KHDRBS2: variants seen among roughly 807,000 people sequenced by gnomAD.
KHDRBS2 encodes the protein KH domain-containing, RNA-binding, signal transduction-associated protein 2.
KHDRBS2 carries 26 observed loss-of-function variants against 44.3 expected under a neutral mutation model. That is an observed-to-expected ratio of 0.59 (90% CI 0.43 to 0.81). The LOEUF (loss-of-function observed/expected upper bound fraction) is 0.81. Among genes scored for constraint, KHDRBS2 ranks in the 40% least tolerant of loss-of-function variants. The pLI is 0.00. For missense variants in KHDRBS2, 476 were observed against 433.1 expected, an observed-to-expected ratio of 1.10 and a Z score of -0.88; for synonymous variants, 194 against 151.1, an observed-to-expected ratio of 1.28 and a Z score of -2.08.
chr6:61,786,080 T>C (rs772049658), intron 6 of KHDRBS2, among the ~76,000 whole-genome samples: 1 of 152,002 alleles, frequency 6.6e-6, no homozygotes, highest in Non-Finnish European at 1.5e-5. Flanking sequence ...TGATACCTCA[T>C]GTAATCAGTA....
At chr6:62,221,623 C>T (rs181982825) in intron 1 of KHDRBS2, among the ~76,000 whole-genome samples, 6 of 152,064 alleles carry the variant, frequency 3.9e-5, no homozygotes, top group East Asian at 1.9e-4. Context: ...AATAAACAAT[C>T]GCATTGGCTC....
At chr6:61,944,620 T>C (rs1329764933) in intron 4 of KHDRBS2, among the ~76,000 whole-genome samples, 1 of 152,074 alleles carries the variant, frequency 6.6e-6, no homozygotes, top group African/African-American at 2.4e-5. Flanking sequence ...AGCAACAATA[T>C]ATTAACATAT....
rs375403281 is a variant in KHDRBS2, at chr6:62,085,444, T to G, written c.220-37450A>C. Among the ~76,000 whole-genome samples, 14 of 151,964 alleles carry G rather than the reference T, an allele frequency of 9.2e-5. 1 individual carries two copies. The highest frequency in any genetic ancestry group is 3.4e-4 in the African/African-American group (14 of 41,466). ...GGTAACTGAGAAGAATAGGAAAGAT[T>G]AGTGTTAAAGAAGCAAAGTGAGTTT... On this transcript the variant is annotated intron_variant, in intron 2 of 8. Coordinates refer to ENST00000281156, the MANE Select transcript of KHDRBS2 (RefSeq NM_152688.4).
At chr6:61,722,930 C>G (rs1382564372) in intron 7 of KHDRBS2, among the ~76,000 whole-genome samples, 1 of 151,950 alleles carries the variant, frequency 6.6e-6, no homozygotes, top group East Asian at 1.9e-4. Context: ...AGGATGGTCT[C>G]GATCTCCTCA....
chr6:61,784,322 C>G (rs527270871), intron 6 of KHDRBS2, among the ~76,000 whole-genome samples: 2 of 151,716 alleles, frequency 1.3e-5, no homozygotes, highest in South Asian at 4.2e-4. Flanking sequence ...AAATTATCTA[C>G]TTCATTTAAT....
At chr6:61,604,318 G>A in the KHDRBS2 span, among the ~76,000 whole-genome samples, 3 of 151,958 alleles carry the variant, frequency 2.0e-5, no homozygotes, top group East Asian at 3.9e-4. Flanking sequence ...TCAGGACAAT[G>A]CTTATGCTGA....
chr6:62,277,435 G>A (rs1428937891), intron 1 of KHDRBS2, among the ~76,000 whole-genome samples: 1 of 151,830 alleles, frequency 6.6e-6, no homozygotes, highest in African/African-American at 2.4e-5. Flanking sequence ...TCCACCTCCC[G>A]GGTTCACACC....
chr6:62,034,353 C>A (rs1784872738), intron 3 of KHDRBS2, among the ~76,000 whole-genome samples: 1 of 151,692 alleles, frequency 6.6e-6, no homozygotes, highest in Admixed American at 6.6e-5. Context: ...ATACCAAAAC[C>A]AAAGATGCAC....
intron 2 of KHDRBS2, among the ~76,000 whole-genome samples, chr6:62,075,290 C>A (rs1486316150): frequency 6.6e-6 from 1 of 151,862 alleles, no homozygotes; most frequent in Non-Finnish European, 1.5e-5. Flanking sequence ...CCCCCTCCAC[C>A]ATGTGAGGAC....
intron 6 of KHDRBS2, among the ~76,000 whole-genome samples, chr6:61,775,256 A>T (rs1781753167): frequency 6.6e-6 from 1 of 151,902 alleles, no homozygotes; most frequent in Non-Finnish European, 1.5e-5. Context: ...CTCTCTCACC[A>T]CTCGTACTAA....
chr6:61,731,017 C>T (rs1774355617), intron 7 of KHDRBS2, among the ~76,000 whole-genome samples: 1 of 152,066 alleles, frequency 6.6e-6, no homozygotes, highest in South Asian at 2.1e-4. Flanking sequence ...TGTAGCTCTA[C>T]AGAGCTGCAT....
intron 2 of KHDRBS2, among the ~76,000 whole-genome samples, chr6:62,074,993 C>G (rs1018981838): frequency 9.9e-5 from 15 of 151,878 alleles, no homozygotes; most frequent in African/African-American, 3.6e-4. Context: ...GTTATTCTCT[C>G]TTTAGTTAAA....
At chr6:62,128,102 T>A (rs1004356701) in intron 2 of KHDRBS2, among the ~76,000 whole-genome samples, 1 of 152,126 alleles carries the variant, frequency 6.6e-6, no homozygotes, top group African/African-American at 2.4e-5. Context: ...TATTTACAAA[T>A]CTTTCTCATC....
the KHDRBS2 span, among the ~76,000 whole-genome samples, chr6:61,563,659 T>C: frequency 6.6e-6 from 1 of 152,198 alleles, no homozygotes; most frequent in Non-Finnish European, 1.5e-5. Context: ...GTCACAGCCC[T>C]TTTTACCTCC....
chr6:62,211,926 A>G lies in KHDRBS2; in HGVS notation c.92-34614T>C, dbSNP rs1829118845. ...CAACCTAAATGTCCATCAGTGGTAG[A>G]CTGGATAAAGAAAATGTAGTACATA... is the stretch of plus-strand genomic sequence containing the variant. On this transcript the variant is annotated intron_variant, in intron 1 of 8. Coordinates refer to ENST00000281156, the MANE Select transcript of KHDRBS2 (RefSeq NM_152688.4). Among the ~76,000 whole-genome samples, 3 of 152,230 alleles carry G rather than the reference A, an allele frequency of 2.0e-5. No individual in the cohort carries two copies. In the South Asian group the frequency reaches 6.2e-4, roughly 31 times the overall value.
At chr6:61,718,824 G>T (rs946942294) in intron 7 of KHDRBS2, among the ~76,000 whole-genome samples, 1 of 152,002 alleles carries the variant, frequency 6.6e-6, no homozygotes, top group Admixed American at 6.6e-5. Context: ...TGTCCCTTGT[G>T]GTACTCGTCC....
the KHDRBS2 span, among the ~76,000 whole-genome samples, chr6:61,555,689 G>T: frequency 6.6e-6 from 1 of 152,090 alleles, no homozygotes. Flanking sequence ...TGTTTGTTTC[G>T]CTTGCTTGTA....
At position 61,894,833 on chromosome 6, in the gene KHDRBS2, C is replaced by T. The variant is rs1802637879; in HGVS notation, c.612G>A (p.Arg204=). The change falls in exon 6 of 9, where the codon AGG becomes AGA. Residue 204 remains arginine, a splice_region_variant and synonymous_variant. Coordinates refer to ENST00000281156, the MANE Select transcript of KHDRBS2 (RefSeq NM_152688.4). ...GAGGAGGAATGGCACCCCCACGGCC[C>T]CTAAGAGAAACAAGTCATGTATAGA... The part of the protein sequence containing the change: ...GIRIAPTAPS[R]GRGGAIPPPP... The T allele has an allele frequency of 6.2e-7, 1 of 1,609,554 alleles. No individual in the cohort carries two copies. Among genetic ancestry groups the T allele is most frequent in the African/African-American group, 1.3e-5 (1 of 74,678 alleles).
chr6:61,894,578 G>C, intron 6 of KHDRBS2, 57 bp downstream of exon 6: 1 of 1,384,212 alleles, frequency 7.2e-7, no homozygotes, highest in South Asian at 1.2e-5. Context: ...TTGAGACGTA[G>C]CTTGTTAACT....
Sources: allele counts gnomAD v4.1 joint callset (sites outside exome capture counted in the v4.1 genomes callset), GRCh38; gene constraint gnomAD v4.1.1; transcripts MANE v1.5; gene names NCBI Gene and HGNC (gene_info 2026-07-23, HGNC 2026-07-21).